ABCB5: variants seen among roughly 807,000 people sequenced by gnomAD.
ABCB5 encodes ATP binding cassette subfamily B member 5.
A neutral mutation model predicts 144.2 loss-of-function variants in ABCB5; 155 were observed. The ratio of observed to expected loss-of-function variants is 1.08; its 90% confidence interval spans 0.94 to 1.23. The LOEUF is 1.23. ABCB5 is among the 50% of genes most tolerant of loss of function. ABCB5 has a pLI of 0.00. For missense variants in ABCB5, 1,830 were observed against 1,520.8 expected, an observed-to-expected ratio of 1.20 and a Z score of -3.38; for synonymous variants, 610 against 528.6, an observed-to-expected ratio of 1.15 and a Z score of -2.11.
chr7:20,690,153 A>G (rs1370402742), intron 16 of ABCB5, among the ~76,000 whole-genome samples: 1 of 152,182 alleles, frequency 6.6e-6, no homozygotes, highest in Non-Finnish European at 1.5e-5. Context: ...CCCCCCATTA[A>G]CCCTTGATAG....
intron 26 of ABCB5, among the ~76,000 whole-genome samples, chr7:20,750,095 G>T (rs1434757000): frequency 6.6e-6 from 1 of 152,132 alleles, no homozygotes; most frequent in East Asian, 1.9e-4. Context: ...TTGGATATTG[G>T]AATTACTCAT....
At chr7:20,635,331 T>C (rs893942101) in intron 5 of ABCB5, among the ~76,000 whole-genome samples, 2 of 152,038 alleles carry the variant, frequency 1.3e-5, no homozygotes, top group Admixed American at 1.3e-4. Flanking sequence ...TGAAATCAGG[T>C]AGTGTGATAC....
chr7:20,737,752 T>A (rs1268054819), intron 23 of ABCB5, among the ~76,000 whole-genome samples: 25 of 146,878 alleles, frequency 1.7e-4, no homozygotes, highest in African/African-American at 6.0e-4. Context: ...AAAACACATT[T>A]AAAAAAAAAA....
intron 20 of ABCB5, among the ~76,000 whole-genome samples, chr7:20,716,231 G>C (rs889753736): frequency 6.6e-6 from 1 of 152,054 alleles, no homozygotes; most frequent in South Asian, 2.1e-4. Context: ...AATATTAAAA[G>C]AAACTTCCAA....
intron 15 of ABCB5, among the ~76,000 whole-genome samples, chr7:20,684,332 G>A (rs930826513): frequency 9.9e-5 from 15 of 152,046 alleles, no homozygotes; most frequent in Non-Finnish European, 1.3e-4. Flanking sequence ...TTTGTCCAGC[G>A]ACCTTCTCAA....
intron 16 of ABCB5, among the ~76,000 whole-genome samples, chr7:20,691,118 GT>G (rs1393686540): frequency 5.6e-5 from 8 of 143,326 alleles, no homozygotes; most frequent in Non-Finnish European, 9.1e-5. Context: ...GGTCTGAGTA[GT>G]TTTCAGGCCT....
At chr7:20,663,302 T>C (rs368049262) in intron 14 of ABCB5, among the ~76,000 whole-genome samples, 3 of 152,210 alleles carry the variant, frequency 2.0e-5, no homozygotes, top group Non-Finnish European at 4.4e-5. Flanking sequence ...CTAGTGTTCA[T>C]AGTAGCATCA....
chr7:20,706,357 T>A (rs1786821846), intron 20 of ABCB5, among the ~76,000 whole-genome samples: 1 of 152,210 alleles, frequency 6.6e-6, no homozygotes, highest in Non-Finnish European at 1.5e-5. Context: ...AAACAGGCAT[T>A]CTTACCAGCA....
chr7:20,735,789 G>A (rs1782362556), intron 23 of ABCB5, among the ~76,000 whole-genome samples: 1 of 152,174 alleles, frequency 6.6e-6, no homozygotes, highest in Non-Finnish European at 1.5e-5. Context: ...CAGAGAGGAA[G>A]GCAGCTCACG....
At chr7:20,751,598 C>A (rs1172735936) in intron 26 of ABCB5, among the ~76,000 whole-genome samples, 1 of 152,200 alleles carries the variant, frequency 6.6e-6, no homozygotes, top group Admixed American at 6.5e-5. Flanking sequence ...TTTGTATGTT[C>A]TTCAGCTGCC....
intron 4 of ABCB5, among the ~76,000 whole-genome samples, chr7:20,630,096 C>T (rs1488956862): frequency 1.3e-5 from 2 of 152,064 alleles, no homozygotes; most frequent in Admixed American, 1.3e-4. Context: ...AGGTTAAATT[C>T]CAGTGATTTT....
intron 2 of ABCB5, among the ~76,000 whole-genome samples, chr7:20,625,864 G>A (rs11773775): frequency 0.082 from 12,534 of 152,136 alleles, 571 homozygotes; most frequent in South Asian, 0.14. Context: ...TCCTAACAGC[G>A]TTACTAGGAA....
chr7:20,703,573 T>C (rs1460154406), intron 19 of ABCB5, among the ~76,000 whole-genome samples: 1 of 151,956 alleles, frequency 6.6e-6, no homozygotes, highest in Non-Finnish European at 1.5e-5. Context: ...TTTTGCCTGT[T>C]ACCTGGGCCT....
intron 21 of ABCB5, among the ~76,000 whole-genome samples, chr7:20,724,654 G>A (rs1781981129): frequency 7.0e-6 from 1 of 143,346 alleles, no homozygotes; most frequent in Non-Finnish European, 1.5e-5. Flanking sequence ...AAAAAAGGGT[G>A]TTCCTCTCCT....
chr7:20,659,136 C>T (rs759049434), intron 14 of ABCB5: 2 of 1,613,958 alleles, frequency 1.2e-6, no homozygotes, highest in East Asian at 4.5e-5. Context: ...AACCAGCGCC[C>T]TTCGACAGCT....
intron 3 of ABCB5, among the ~76,000 whole-genome samples, chr7:20,626,999 T>G (rs1268569430): frequency 6.6e-6 from 1 of 152,110 alleles, no homozygotes; most frequent in Admixed American, 6.6e-5. Context: ...TCTGCATTGT[T>G]ATGTGTTGTT....
rs1302320318 is a variant in ABCB5 at position 20,666,878 on chromosome 7, A to G, written c.1707+8202A>G. ...AATCTTTACACTAATTCTGGCTAAA[A>G]GACAGCATCAGCTCAAATTTTCCTG... On this transcript the variant is annotated intron_variant, in intron 14 of 27. Transcript: ENST00000404938. 3.0e-6 allele frequency: 4 copies of G among 1,334,024 alleles called. No homozygotes were observed. The African/African-American group carries it at 6.0e-5, about 20-fold the overall frequency. The allele number at this position is 1,334,024 out of a possible 1,614,324, so 82.6% of individuals were successfully genotyped here.
chr7:20,729,647 G>A (rs1311829727), intron 23 of ABCB5, among the ~76,000 whole-genome samples: 1 of 152,162 alleles, frequency 6.6e-6, no homozygotes, highest in Non-Finnish European at 1.5e-5. Context: ...TATCAGAAAT[G>A]TTGCTAATCC....
chr7:20,737,077 G>A (rs749412142), intron 23 of ABCB5, among the ~76,000 whole-genome samples: 2 of 151,844 alleles, frequency 1.3e-5, no homozygotes, highest in Non-Finnish European at 2.9e-5. Flanking sequence ...AGAATTGCTT[G>A]AACCCAGGAG....
Sources: allele counts gnomAD v4.1 joint callset (sites outside exome capture counted in the v4.1 genomes callset), GRCh38; gene constraint gnomAD v4.1.1; transcripts MANE v1.5; gene names NCBI Gene and HGNC (gene_info 2026-07-23, HGNC 2026-07-21).